GRM7: variants seen among roughly 807,000 people sequenced by gnomAD.
GRM7 encodes metabotropic glutamate receptor 7.
Under a neutral mutation model 84.5 loss-of-function variants are expected in GRM7, and 35 were observed. The ratio of observed to expected loss-of-function variants is 0.41; its 90% CI spans 0.32 to 0.55. The LOEUF is 0.55. Ranked by LOEUF, GRM7 falls within the 20% of genes least tolerant of loss-of-function variation. GRM7 has a pLI of 0.19. For missense variants in GRM7, 1,003 were observed against 1,194.6 expected (o/e 0.84, Z 2.36); for synonymous variants, 487 against 455.1 (o/e 1.07, Z -0.89).
chr3:7,502,047 A>G (rs925768479), intron 7 of GRM7, among the ~76,000 whole-genome samples: 1 of 152,190 alleles, frequency 6.6e-6, no homozygotes, highest in Non-Finnish European at 1.5e-5. Context: ...CTGGACTGAA[A>G]TTCTGGCCCT....
intron 2 of GRM7, among the ~76,000 whole-genome samples, chr3:7,184,341 T>C (rs1695444480): frequency 6.6e-6 from 1 of 152,168 alleles, no homozygotes; most frequent in South Asian, 2.1e-4. Flanking sequence ...GCCTTAGATG[T>C]ATTAATCAAA....
intron 1 of GRM7, among the ~76,000 whole-genome samples, chr3:6,927,374 G>C (rs957309299): frequency 2.3e-4 from 35 of 152,006 alleles, no homozygotes; most frequent in African/African-American, 8.4e-4. Context: ...GTTGCAGTGA[G>C]CCGAGATCAT....
intron 1 of GRM7, among the ~76,000 whole-genome samples, chr3:7,007,713 A>T (rs1695229122): frequency 6.6e-6 from 1 of 152,216 alleles, no homozygotes; most frequent in South Asian, 2.1e-4. Flanking sequence ...GTTTTAAATG[A>T]TCTGATGCCC....
chr3:6,868,322 C>G (rs1695005083), intron 1 of GRM7, among the ~76,000 whole-genome samples: 1 of 152,146 alleles, frequency 6.6e-6, no homozygotes, highest in Non-Finnish European at 1.5e-5. Flanking sequence ...GCAGATTTTC[C>G]TATCCTGAAT....
intron 1 of GRM7, among the ~76,000 whole-genome samples, chr3:6,974,491 G>A (rs1693909630): frequency 6.6e-6 from 1 of 152,166 alleles, no homozygotes; most frequent in Non-Finnish European, 1.5e-5. Flanking sequence ...AGACACGTGA[G>A]AACTGAGCTT....
At chr3:7,142,275 T>C (rs1038575083) in intron 1 of GRM7, among the ~76,000 whole-genome samples, 1 of 152,056 alleles carries the variant, frequency 6.6e-6, no homozygotes, top group African/African-American at 2.4e-5. Flanking sequence ...TTAATAACTA[T>C]ATATGTGTAG....
Position 6,891,982 on chromosome 3 carries a change from T to G in GRM7, c.519+30075T>G, listed in dbSNP as rs150804274. On this transcript the variant is annotated intron_variant, in intron 1 of 9. Transcript: ENST00000357716. The stretch of plus-strand genomic sequence containing the variant: ...TCCCTTCTCGCTTCATTTCATTCAT[T>G]TCATCTTCCATCACTGATACCCTTT... 3.5e-3 allele frequency among the ~76,000 whole-genome samples: 529 copies of G among 152,320 alleles called. 6 individuals carry two copies. Among genetic ancestry groups the G allele is most frequent in the African/African-American group, 0.012 (481 of 41,566 alleles).
intron 8 of GRM7, among the ~76,000 whole-genome samples, chr3:7,631,938 G>C (rs186267548): frequency 1.7e-3 from 253 of 152,302 alleles, no homozygotes; most frequent in Non-Finnish European, 4.6e-4. Flanking sequence ...GAGAGTCAGA[G>C]AGTGGAACTA....
chr3:7,428,824 A>G (rs1420014424), intron 5 of GRM7, among the ~76,000 whole-genome samples: 2 of 152,192 alleles, frequency 1.3e-5, no homozygotes, highest in African/African-American at 4.8e-5. Flanking sequence ...CTTATGAAAC[A>G]TACACACTAT....
chr3:7,387,168 C>T (rs140749242), intron 4 of GRM7, among the ~76,000 whole-genome samples: 1,767 of 152,112 alleles, frequency 0.012, 42 homozygotes, highest in African/African-American at 0.041. Flanking sequence ...ATTTAAGTTC[C>T]TCATACATTC....
intron 7 of GRM7, among the ~76,000 whole-genome samples, chr3:7,479,212 T>C (rs1001448277): frequency 8.6e-5 from 13 of 151,876 alleles, no homozygotes; most frequent in African/African-American, 2.9e-4. Context: ...ATGAGGAGGC[T>C]ATCACTCTGG....
chr3:7,090,721 G>A (rs954414147), intron 1 of GRM7, among the ~76,000 whole-genome samples: 15 of 152,098 alleles, frequency 9.9e-5, no homozygotes, highest in Admixed American at 5.2e-4. Flanking sequence ...TATATTTAAG[G>A]AACTCAAACT....
At chr3:7,035,202 A>T (rs1696342130) in intron 1 of GRM7, among the ~76,000 whole-genome samples, 1 of 152,184 alleles carries the variant, frequency 6.6e-6, no homozygotes, top group African/African-American at 2.4e-5. Flanking sequence ...GAAATCAGAG[A>T]TGTGCACCGC....
chr3:7,316,904 T>TTGCTAGAATATTCTGTCACG (rs1327698790), intron 4 of GRM7, among the ~76,000 whole-genome samples: 1 of 152,162 alleles, frequency 6.6e-6, no homozygotes, highest in Non-Finnish European at 1.5e-5. Flanking sequence ...CAAAGGACAC[T>TTGCTAGAATATTCTGTCACG]TGCTAGAATA....
chr3:7,048,186 C>T lies in GRM7; in HGVS notation c.520-98266C>T, dbSNP rs967007157. On this transcript the variant is annotated intron_variant, in intron 1 of 9. Transcript: ENST00000357716. ...CAAGCATAGGAGATAAGCAAAGTAA[C>T]AGATTGTATTCAAAATTTTCTTTCT... 2.0e-5 allele frequency among the ~76,000 whole-genome samples: 3 copies of T among 151,898 alleles called. No homozygotes were observed. The South Asian group carries it at 6.2e-4, about 32-fold the overall frequency.
At chr3:7,647,128 C>T (rs1016854103) in intron 8 of GRM7, among the ~76,000 whole-genome samples, 6 of 152,144 alleles carry the variant, frequency 3.9e-5, no homozygotes, top group African/African-American at 9.7e-5. Flanking sequence ...GGAAAGAACC[C>T]GTGTGGGTAT....
chr3:6,963,936 C>T (rs1374007935), intron 1 of GRM7, among the ~76,000 whole-genome samples: 1 of 152,144 alleles, frequency 6.6e-6, no homozygotes, highest in East Asian at 1.9e-4. Context: ...TTGTTTTTGA[C>T]ACTTTAATGC....
chr3:7,376,742 A>G (rs1694367078), intron 4 of GRM7, among the ~76,000 whole-genome samples: 2 of 149,040 alleles, frequency 1.3e-5, no homozygotes, highest in Admixed American at 1.4e-4. Context: ...TGCCTAAAAT[A>G]TTTACTATGT....
chr3:7,387,172 T>C (rs1694817855), intron 4 of GRM7, among the ~76,000 whole-genome samples: 1 of 152,238 alleles, frequency 6.6e-6, no homozygotes, highest in Non-Finnish European at 1.5e-5. Flanking sequence ...AAGTTCCTCA[T>C]ACATTCTGGA....
Sources: gnomAD v4.1 joint callset for allele counts (sites outside exome capture counted in the v4.1 genomes callset) on GRCh38, gnomAD v4.1.1 for gene constraint, MANE v1.5 for transcripts, NCBI Gene and HGNC (gene_info 2026-07-23, HGNC 2026-07-21) for gene names.